SIL1: variants seen among roughly 807,000 people sequenced by gnomAD.
SIL1 encodes the protein SIL1 nucleotide exchange factor.
In SIL1, 40 loss-of-function variants were observed where a neutral mutation model predicts 49.1. The observed-to-expected ratio is 0.81, with a 90% CI of 0.63 to 1.06. SIL1 has a LOEUF of 1.06. Among genes scored for constraint, SIL1 ranks in the 50% least tolerant of loss-of-function variants. The pLI, the probability that SIL1 is intolerant of heterozygous loss-of-function variation, is 0.00. For synonymous variants in SIL1, 253 were observed against 250.8 expected, an observed-to-expected ratio of 1.01 and a Z score of -0.08; for missense variants, 500 against 572.6, an observed-to-expected ratio of 0.87 and a Z score of 1.29.
chr5:139,165,160 G>A (rs775406510), intron 1 of SIL1, among the ~76,000 whole-genome samples: 8 of 152,120 alleles, frequency 5.3e-5, no homozygotes, highest in Non-Finnish European at 1.0e-4. Flanking sequence ...TGTGCTACCT[G>A]AGAGCTTCCT....
intron 7 of SIL1, among the ~76,000 whole-genome samples, chr5:138,964,631 C>T (rs1035988664): frequency 1.3e-5 from 2 of 152,094 alleles, no homozygotes; most frequent in African/African-American, 2.4e-5. Flanking sequence ...AAGTTACACT[C>T]GTAAAATAGT....
chr5:139,020,512 T>A (rs187586882), intron 7 of SIL1, among the ~76,000 whole-genome samples: 11 of 152,286 alleles, frequency 7.2e-5, no homozygotes, highest in African/African-American at 2.4e-4. Flanking sequence ...AAGAGCAGAT[T>A]TTCAAAAATG....
chr5:139,169,351 A>C (rs1751687663), intron 1 of SIL1, among the ~76,000 whole-genome samples: 1 of 152,150 alleles, frequency 6.6e-6, no homozygotes, highest in Admixed American at 6.5e-5. Context: ...AAGGCAAAAG[A>C]TCTGCTTTCC....
chr5:139,105,660 C>T (rs1044745854), intron 3 of SIL1, among the ~76,000 whole-genome samples: 2 of 152,212 alleles, frequency 1.3e-5, no homozygotes, highest in Non-Finnish European at 2.9e-5. Context: ...CATTCCCTCC[C>T]GGCGGCCTGC....
intron 1 of SIL1, among the ~76,000 whole-genome samples, chr5:139,168,950 C>A (rs1196313165): frequency 4.0e-5 from 6 of 148,602 alleles, no homozygotes; most frequent in Non-Finnish European, 8.9e-5. Context: ...CAATGAAGAC[C>A]CTGTCTCAAA....
At chr5:139,175,259 T>C (rs1581153012) in intron 1 of SIL1, among the ~76,000 whole-genome samples, 2 of 152,066 alleles carry the variant, frequency 1.3e-5, no homozygotes, top group African/African-American at 4.8e-5. Context: ...GAGGCGGAGG[T>C]TGCAGTGAGC....
At chr5:139,057,649 G>A (rs1010149484) in intron 3 of SIL1, among the ~76,000 whole-genome samples, 62 of 152,156 alleles carry the variant, frequency 4.1e-4, no homozygotes, top group Non-Finnish European at 1.5e-4. Flanking sequence ...ATAGGAAAAG[G>A]AGATCCCAGG....
chr5:139,170,058 G>C (rs963924998), intron 1 of SIL1, among the ~76,000 whole-genome samples: 1 of 152,198 alleles, frequency 6.6e-6, no homozygotes, highest in African/African-American at 2.4e-5. Flanking sequence ...TGGTGGAGAC[G>C]GGGTTTCGCT....
chr5:139,009,127 G>A (rs1429969180), intron 7 of SIL1, among the ~76,000 whole-genome samples: 15 of 151,572 alleles, frequency 9.9e-5, no homozygotes, highest in Admixed American at 2.6e-4. Flanking sequence ...CAGGACTTGC[G>A]TTATGAATCT....
intron 7 of SIL1, among the ~76,000 whole-genome samples, chr5:138,967,685 CA>C (rs895937892): frequency 2.6e-5 from 4 of 152,090 alleles, no homozygotes; most frequent in African/African-American, 7.2e-5. Flanking sequence ...GTCACAACGA[CA>C]AAAAATACAA....
chr5:139,178,230 G>A (rs1751921806), intron 1 of SIL1, among the ~76,000 whole-genome samples: 1 of 152,256 alleles, frequency 6.6e-6, no homozygotes. Context: ...CACTAAAGGA[G>A]ATTAGTCTCA....
At chr5:139,078,010 G>A (rs529369070) in intron 3 of SIL1, among the ~76,000 whole-genome samples, 1 of 152,200 alleles carries the variant, frequency 6.6e-6, no homozygotes, top group South Asian at 2.1e-4. Context: ...TGAGAGATGA[G>A]ATATTTAGTT....
intron 1 of SIL1, among the ~76,000 whole-genome samples, chr5:139,191,813 A>G (rs1295241655): frequency 6.6e-6 from 1 of 152,114 alleles, no homozygotes; most frequent in African/African-American, 2.4e-5. Flanking sequence ...ACAGTGGCTC[A>G]CGCCTGTAAT....
chr5:138,959,287 G>A (rs1461180045), intron 7 of SIL1, among the ~76,000 whole-genome samples: 3 of 152,180 alleles, frequency 2.0e-5, no homozygotes, highest in Non-Finnish European at 4.4e-5. Context: ...TGATTCCTAC[G>A]TTCTGAGGAC....
At chr5:139,154,477 G>A (rs1006394505) in intron 1 of SIL1, among the ~76,000 whole-genome samples, 2 of 152,194 alleles carry the variant, frequency 1.3e-5, no homozygotes, top group Non-Finnish European at 2.9e-5. Context: ...AACATGTGCT[G>A]AGCACCCCTG....
chr5:139,027,475 T>G (rs933676786), intron 5 of SIL1, among the ~76,000 whole-genome samples: 19 of 152,230 alleles, frequency 1.2e-4, no homozygotes, highest in Admixed American at 1.2e-3. Context: ...GGGTAAGAGC[T>G]GTCACAGCAG....
intron 3 of SIL1, among the ~76,000 whole-genome samples, chr5:139,095,265 C>CTT (rs1172866470): frequency 0.019 from 2,539 of 131,804 alleles, 109 homozygotes; most frequent in African/African-American, 0.069. Context: ...TATTGGAATT[C>CTT]TTTTTTTTTT....
At chr5:139,003,389 C>T (rs1374880937) in intron 7 of SIL1, among the ~76,000 whole-genome samples, 1 of 152,126 alleles carries the variant, frequency 6.6e-6, no homozygotes, top group Non-Finnish European at 1.5e-5. Context: ...TTTGGAATGG[C>T]GTCTCCACTT....
chr5:139,076,996 T>G (rs1346304930), intron 3 of SIL1, among the ~76,000 whole-genome samples: 1 of 152,168 alleles, frequency 6.6e-6, no homozygotes, highest in Non-Finnish European at 1.5e-5. Flanking sequence ...TAGCTGCGCA[T>G]GGCAGCACAC....
Sources: allele counts gnomAD v4.1 joint callset (sites outside exome capture counted in the v4.1 genomes callset), GRCh38; gene constraint gnomAD v4.1.1; transcripts MANE v1.5; gene names NCBI Gene and HGNC (gene_info 2026-07-23, HGNC 2026-07-21).